DPYD: variants seen among roughly 807,000 people sequenced by gnomAD.
DPYD encodes dihydropyrimidine dehydrogenase [NADP(+)].
A neutral mutation model predicts 116.2 loss-of-function variants in DPYD; 109 were observed. That is an observed-to-expected ratio of 0.94 (90% CI 0.80 to 1.10). DPYD has a LOEUF of 1.10. DPYD is among the 50% of genes least tolerant of loss of function. DPYD has a pLI of 0.00. For synonymous variants in DPYD, 440 were observed against 432.0 expected (o/e 1.02, Z -0.23); for missense variants, 1,302 against 1,254.5 (o/e 1.04, Z -0.57).
chr1:97,575,983 G>C (rs1653236663), intron 10 of DPYD, among the ~76,000 whole-genome samples: 1 of 151,900 alleles, frequency 6.6e-6, no homozygotes, highest in South Asian at 2.1e-4. Context: ...TCAAGAGAAA[G>C]GTGGCCCAAT....
intron 3 of DPYD, among the ~76,000 whole-genome samples, chr1:97,778,696 T>A (rs575396511): frequency 6.6e-6 from 1 of 152,178 alleles, no homozygotes; most frequent in Admixed American, 6.5e-5. Context: ...TTCATTGCTG[T>A]ATCAATATAT....
intron 2 of DPYD, among the ~76,000 whole-genome samples, chr1:97,851,054 T>C (rs568215543): frequency 7.2e-5 from 11 of 152,020 alleles, no homozygotes; most frequent in Non-Finnish European, 1.6e-4. Context: ...CTTTCATAAG[T>C]TAAATATGTC....
chr1:97,564,173 CA>C (rs1415507519), intron 11 of DPYD, among the ~76,000 whole-genome samples: 1 of 152,076 alleles, frequency 6.6e-6, no homozygotes, highest in Non-Finnish European at 1.5e-5. Flanking sequence ...CATTTTAAAA[CA>C]ACATGGCAGC....
chr1:97,290,015 A>C (rs1040102891), intron 18 of DPYD, among the ~76,000 whole-genome samples: 3 of 152,162 alleles, frequency 2.0e-5, no homozygotes, highest in African/African-American at 7.2e-5. Context: ...TCAATGTACA[A>C]AAATCAAATC....
chr1:97,162,825 C>T (rs1421221588), intron 20 of DPYD, among the ~76,000 whole-genome samples: 1 of 151,836 alleles, frequency 6.6e-6, no homozygotes, highest in Admixed American at 6.6e-5. Context: ...GAAATAACGC[C>T]ACATATCTAC....
In DPYD at chr1:97,719,801, T is replaced by C. The variant is rs148667009; in HGVS notation, c.483+1709A>G. 921 of 984,132 alleles carry C rather than the reference T, an allele frequency of 9.4e-4. 10 individuals are homozygous for C. In the African/African-American group the frequency reaches 0.015, roughly 16 times the overall value. The allele number at this position is 984,132 out of a possible 1,614,324, so 61.0% of individuals were successfully genotyped here. A position where few individuals can be genotyped will look rare whatever the true frequency, so the allele number is the denominator to read the frequency against. ...ACATTTTTAATTTATAATTTGATAT[T>C]GAAATTACAATTATACAAACTATAA... On this transcript the variant is annotated intron_variant, in intron 5 of 22. Coordinates refer to ENST00000370192, the MANE Select transcript of DPYD (RefSeq NM_000110.4).
intron 5 of DPYD, among the ~76,000 whole-genome samples, chr1:97,708,524 A>T (rs1304553094): frequency 1.3e-5 from 2 of 152,078 alleles, no homozygotes; most frequent in African/African-American, 4.8e-5. Context: ...TTATTTTAAC[A>T]ATATCACACT....
chr1:97,233,018 T>C (rs1661677922), intron 19 of DPYD, among the ~76,000 whole-genome samples: 1 of 152,242 alleles, frequency 6.6e-6, no homozygotes, highest in Non-Finnish European at 1.5e-5. Context: ...CTTGATTTTA[T>C]TTAAACTTTG....
intron 20 of DPYD, among the ~76,000 whole-genome samples, chr1:97,104,028 T>A (rs1490922763): frequency 6.6e-6 from 1 of 152,080 alleles, no homozygotes; most frequent in Non-Finnish European, 1.5e-5. Context: ...CTAAGTAATC[T>A]CCTTTACCGA....
At chr1:97,417,797 T>C (rs1028060499) in intron 14 of DPYD, among the ~76,000 whole-genome samples, 3 of 152,182 alleles carry the variant, frequency 2.0e-5, no homozygotes, top group Non-Finnish European at 2.9e-5. Flanking sequence ...TATCTTGTTA[T>C]CAGTTTAATA....
intron 10 of DPYD, among the ~76,000 whole-genome samples, chr1:97,591,416 T>C (rs1372708065): frequency 6.6e-6 from 1 of 152,232 alleles, no homozygotes; most frequent in Non-Finnish European, 1.5e-5. Context: ...CTGTTGTATC[T>C]AAGTTGCCCA....
chr1:97,141,437 C>T (rs538924417), intron 20 of DPYD, among the ~76,000 whole-genome samples: 3 of 152,196 alleles, frequency 2.0e-5, no homozygotes, highest in Admixed American at 6.6e-5. Context: ...ATTCCTTCTG[C>T]CTGGAAATCT....
At chr1:97,679,284 G>A (rs753556479) in intron 7 of DPYD, 102 bp from the exon 8 acceptor site, 30 of 623,364 alleles carry the variant, frequency 4.8e-5, no homozygotes, top group Non-Finnish European at 8.3e-5. Flanking sequence ...AAAATTCTAT[G>A]AGATTCCATA....
intron 13 of DPYD, among the ~76,000 whole-genome samples, chr1:97,453,518 G>A (rs1399700633): frequency 6.6e-6 from 1 of 151,994 alleles, no homozygotes; most frequent in Admixed American, 6.6e-5. Context: ...CATGGTTCAG[G>A]AATTCTAAGC....
At chr1:97,866,253 G>T (rs535857124) in intron 2 of DPYD, among the ~76,000 whole-genome samples, 2 of 152,058 alleles carry the variant, frequency 1.3e-5, no homozygotes, top group Non-Finnish European at 2.9e-5. Context: ...AGGACGGCTC[G>T]TGCAGAGCAA....
At chr1:97,337,630 TTGAAGGCTCA>T (rs2101202180) in intron 16 of DPYD, among the ~76,000 whole-genome samples, 1 of 148,330 alleles carries the variant, frequency 6.7e-6, no homozygotes, top group African/African-American at 2.5e-5. Context: ...CAGGGCTAAG[TTGAAGGCTCA>T]TGACTTAACA....
intron 13 of DPYD, among the ~76,000 whole-genome samples, chr1:97,489,334 G>A (rs773574579): frequency 9.9e-5 from 15 of 152,172 alleles, no homozygotes; most frequent in Non-Finnish European, 1.9e-4. Flanking sequence ...GATGAATTTA[G>A]CACAATAAAG....
intron 18 of DPYD, among the ~76,000 whole-genome samples, chr1:97,255,707 C>CA (rs1557976445): frequency 2.0e-4 from 12 of 59,740 alleles, no homozygotes; most frequent in African/African-American, 8.2e-4. Flanking sequence ...TTATTTTTGC[C>CA]GTTTTTTTTT....
chr1:97,098,603 T>C lies in DPYD; in HGVS notation c.2652A>G (p.Glu884=). 6.2e-7 allele frequency: 1 copy of C among 1,613,064 alleles called. No individual in the cohort carries two copies. The highest frequency in any genetic ancestry group is 8.5e-7 in the Non-Finnish European group (1 of 1,179,436). ...KKLPSFGPYL[E]QRKKIIAENK... ...TTTCTGCTATGATTTTCTTGCGCTG[T>C]TCCAGATAAGGTCCAAAACTTGGCA... The change falls in exon 21 of 23, where the codon GAA becomes GAG. Residue 884 remains glutamate (E), a synonymous_variant. Coordinates refer to ENST00000370192, the MANE Select transcript of DPYD (RefSeq NM_000110.4).
Sources: allele counts gnomAD v4.1 joint callset (sites outside exome capture counted in the v4.1 genomes callset), GRCh38; gene constraint gnomAD v4.1.1; transcripts MANE v1.5; gene names NCBI Gene and HGNC (gene_info 2026-07-23, HGNC 2026-07-21).